The following SPECC1 variants were observed in gnomAD, a reference collection of about 807,000 sequenced individuals.
SPECC1 encodes the protein sperm antigen with calponin homology and coiled-coil domains 1.
In SPECC1, 62 loss-of-function variants were observed where a neutral mutation model predicts 104.1. The observed-to-expected ratio is 0.60, with a 90% confidence interval of 0.49 to 0.74. SPECC1 has a LOEUF of 0.74. SPECC1 is among the 30% of genes least tolerant of loss of function. SPECC1 has a pLI of 0.00. For synonymous variants in SPECC1, 513 were observed against 501.6 expected (o/e 1.02, Z -0.30); for missense variants, 1,306 against 1,310.5 (o/e 1.00, Z 0.05).
chr17:20,179,105 C>T (rs201466300), intron 3 of SPECC1, among the ~76,000 whole-genome samples: 2 of 46,296 alleles, frequency 4.3e-5, no homozygotes, highest in African/African-American at 5.5e-4. Context: ...TTTTGGTTGG[C>T]TAATAAATTT....
At chr17:20,171,160 A>G (rs1463588873) in intron 3 of SPECC1, among the ~76,000 whole-genome samples, 1 of 152,198 alleles carries the variant, frequency 6.6e-6, no homozygotes, top group Non-Finnish European at 1.5e-5. Context: ...CATGGAATTA[A>G]TATACTTCCA....
Position 20,205,411 on chromosome 17 carries a change from A to G in SPECC1, c.1362A>G (p.Glu454=), listed in dbSNP as rs1397171193. The part of the protein sequence containing the change: ...MNLLQERVKN[E]EPTTQEGKII... ...TTTTACAAGAGCGAGTAAAGAATGA[A>G]GAGCCCACCACTCAGGAAGGAAAAA... Residue 454 remains glutamate (E), a synonymous_variant, in exon 4 of 15, where the codon GAA becomes GAG. Coordinates refer to ENST00000395527, the MANE Select transcript of SPECC1 (RefSeq NM_001243439.2). The G allele has an allele frequency of 6.2e-7, 1 of 1,614,018 alleles. No homozygotes were observed. Among genetic ancestry groups the G allele is most frequent in the South Asian group, 1.1e-5 (1 of 91,024 alleles).
chr17:20,183,089 G>A (rs113187117), intron 3 of SPECC1, among the ~76,000 whole-genome samples: 1 of 152,228 alleles, frequency 6.6e-6, no homozygotes, highest in Non-Finnish European at 1.5e-5. Flanking sequence ...GTAGAGGTCA[G>A]TAGGTATAGG....
intron 3 of SPECC1, among the ~76,000 whole-genome samples, chr17:20,194,507 T>A (rs1442784398): frequency 5.8e-5 from 7 of 121,610 alleles, no homozygotes; most frequent in East Asian, 5.4e-4. Context: ...AACGAATTTT[T>A]TTTTTTTTTT....
Position 20,137,811 on chromosome 17 carries a change from C to T in SPECC1, c.283+27249C>T, listed in dbSNP as rs372770657. ...CTCCTGAGTAGCTGGGATTACAGGT[C>T]CATGCCACCAAGCCCAGCTAATTTT... On this transcript the variant is annotated intron_variant, in intron 3 of 14. Transcript: ENST00000395527. Among the ~76,000 whole-genome samples, 42 of 147,312 alleles carry T rather than the reference C, an allele frequency of 2.9e-4. No individual in the cohort carries two copies. The East Asian group carries it at 4.1e-3, about 14-fold the overall frequency.
chr17:20,230,653 T>C (rs1181690760), intron 5 of SPECC1, among the ~76,000 whole-genome samples: 1 of 152,220 alleles, frequency 6.6e-6, no homozygotes, highest in East Asian at 1.9e-4. Flanking sequence ...CCTGTGGTTA[T>C]ATCATCATAT....
At chr17:20,123,632 G>A (rs1353697189) in intron 3 of SPECC1, among the ~76,000 whole-genome samples, 1 of 152,214 alleles carries the variant, frequency 6.6e-6, no homozygotes, top group African/African-American at 2.4e-5. Context: ...GAAAGCTCCA[G>A]GATAGGTAGT....
chr17:20,236,558 G>C (rs1290830404), intron 7 of SPECC1, among the ~76,000 whole-genome samples: 1 of 151,818 alleles, frequency 6.6e-6, no homozygotes. Flanking sequence ...TTCTGGAGGG[G>C]CCTATGGTGT....
At chr17:20,094,001 G>GA (rs1347290130) in intron 1 of SPECC1, among the ~76,000 whole-genome samples, 1 of 151,930 alleles carries the variant, frequency 6.6e-6, no homozygotes, top group Non-Finnish European at 1.5e-5. Flanking sequence ...AAAGTGCTGG[G>GA]ATTACAGGTG....
intron 1 of SPECC1, among the ~76,000 whole-genome samples, chr17:20,035,923 A>C (rs1263864455): frequency 6.6e-6 from 1 of 151,240 alleles, no homozygotes; most frequent in African/African-American, 2.4e-5. Flanking sequence ...CTCCGGGTTC[A>C]AGTGATTCTC....
intron 2 of SPECC1, among the ~76,000 whole-genome samples, chr17:20,104,850 C>T (rs895974713): frequency 6.6e-6 from 1 of 151,750 alleles, no homozygotes; most frequent in African/African-American, 2.4e-5. Context: ...ACAGGTTGCC[C>T]GATTCCTAAT....
At chr17:20,279,205 T>G (rs2040675848) in intron 12 of SPECC1, among the ~76,000 whole-genome samples, 1 of 152,226 alleles carries the variant, frequency 6.6e-6, no homozygotes, top group African/African-American at 2.4e-5. Context: ...AATGTTCATT[T>G]GGGAAAAAGA....
intron 7 of SPECC1, among the ~76,000 whole-genome samples, chr17:20,234,553 A>G (rs1315091354): frequency 6.6e-6 from 1 of 152,214 alleles, no homozygotes; most frequent in African/African-American, 2.4e-5. Context: ...TCTTGACTGA[A>G]TGAGTTCTTG....
At chr17:20,174,273 T>C (rs2034305822) in intron 3 of SPECC1, among the ~76,000 whole-genome samples, 1 of 152,192 alleles carries the variant, frequency 6.6e-6, no homozygotes, top group African/African-American at 2.4e-5. Flanking sequence ...AAAAGACTAT[T>C]ATAATACTGG....
At position 20,317,259 on chromosome 17, in the gene SPECC1, A is replaced by ATTTTTTTTTTGTTTTT. The variant is rs2042053047; in HGVS notation, c.*3204_*3205insGTTTTTTTTTTTTTTT. ...GCAAGACCTCTGACTCTATAAAAAA[A>ATTTTTTTTTTGTTTTT]TTTTTTTTTTTTTTTTTTTTTGAGA... On this transcript the variant is annotated 3_prime_UTR_variant, in exon 15 of 15. Coordinates refer to ENST00000395527, the MANE Select transcript of SPECC1 (RefSeq NM_001243439.2). 1 of 69,506 alleles carries ATTTTTTTTTTGTTTTT rather than the reference A, an allele frequency of 1.4e-5. No homozygotes were observed. Among genetic ancestry groups the ATTTTTTTTTTGTTTTT allele is most frequent in the Non-Finnish European group, 2.3e-5 (1 of 42,610 alleles). 4.3% of individuals were successfully genotyped at this position (69,506 alleles called of 1,614,324 possible).
intron 12 of SPECC1, among the ~76,000 whole-genome samples, chr17:20,281,950 G>C (rs1380346008): frequency 6.6e-6 from 1 of 152,230 alleles, no homozygotes; most frequent in African/African-American, 2.4e-5. Context: ...AGAACTGGGA[G>C]GCCCCTGCTG....
rs1174117289 is a variant in SPECC1 at position 20,318,686 on chromosome 17, A to G, written c.*4621A>G. The stretch of plus-strand genomic sequence containing the variant: ...CATTTTGAGATGACCTACCAATGAC[A>G]TGCAGTAAAGGACATAACCTCACAG... On this transcript the variant is annotated 3_prime_UTR_variant, in exon 15 of 15. Transcript: ENST00000395527. 1 of 226,528 alleles carries G rather than the reference A, an allele frequency of 4.4e-6. No individual in the cohort carries two copies. The highest frequency in any genetic ancestry group is 8.8e-6 in the Non-Finnish European group (1 of 113,782). The allele number at this position is 226,528 out of a possible 1,614,324, so 14.0% of individuals were successfully genotyped here.
At chr17:20,232,058 C>G in intron 6 of SPECC1, 142 bp from the exon 7 acceptor site, 2 of 1,019,956 alleles carry the variant, frequency 2.0e-6, no homozygotes, top group Non-Finnish European at 3.0e-6. Flanking sequence ...CTTTTCCTAG[C>G]AGTGAGCCAC....
At chr17:20,170,010 G>A (rs1334100759) in intron 3 of SPECC1, among the ~76,000 whole-genome samples, 1 of 152,204 alleles carries the variant, frequency 6.6e-6, no homozygotes, top group Non-Finnish European at 1.5e-5. Context: ...AGGGTTCCAG[G>A]TATCCTGAAG....
Sources: allele counts gnomAD v4.1 joint callset (sites outside exome capture counted in the v4.1 genomes callset), GRCh38; gene constraint gnomAD v4.1.1; transcripts MANE v1.5; gene names NCBI Gene and HGNC (gene_info 2026-07-23, HGNC 2026-07-21).